Variants in PKHD1 observed in about 807,000 individuals in gnomAD.
PKHD1 encodes the protein fibrocystin.
Under a neutral mutation model 412.0 loss-of-function variants are expected in PKHD1, and 291 were observed. That is an observed-to-expected ratio of 0.71 (90% CI 0.64 to 0.78). The LOEUF is 0.78. Ranked by LOEUF, PKHD1 falls within the 30% of genes least tolerant of loss-of-function variation. The probability of loss-of-function intolerance (pLI) is 0.00; values close to 1 mark genes in which losing one functional copy is unlikely to be tolerated. For synonymous variants in PKHD1, 1,777 were observed against 1,821.5 expected (o/e 0.98, Z 0.62); for missense variants, 4,825 against 4,950.7 (o/e 0.97, Z 0.76).
chr6:51,817,527 A>G (rs1419514943), intron 52 of PKHD1, among the ~76,000 whole-genome samples: 2 of 152,098 alleles, frequency 1.3e-5, no homozygotes, highest in Non-Finnish European at 2.9e-5. Flanking sequence ...TTGATTCAGG[A>G]CTACAGCCGT....
chr6:51,800,702 G>T (rs576066188), intron 52 of PKHD1, among the ~76,000 whole-genome samples: 3 of 152,314 alleles, frequency 2.0e-5, no homozygotes, highest in African/African-American at 7.2e-5. Context: ...TAATGATGGG[G>T]TCACATGAAC....
chr6:51,619,631 T>C (rs1766362016), intron 66 of PKHD1, 111 bp from the exon 67 acceptor site: 1 of 853,800 alleles, frequency 1.2e-6, no homozygotes, highest in Non-Finnish European at 1.9e-6. Flanking sequence ...AAGATTGAAT[T>C]ACATCAGCTC....
chr6:51,802,958 C>A (rs1478935636), intron 52 of PKHD1, among the ~76,000 whole-genome samples: 1 of 140,464 alleles, frequency 7.1e-6, no homozygotes, highest in Admixed American at 7.4e-5. Flanking sequence ...ATGCTTGTAT[C>A]CTATTTGTTT....
chr6:51,925,795 T>A (rs4711989), intron 37 of PKHD1, among the ~76,000 whole-genome samples: 4 of 151,332 alleles, frequency 2.6e-5, no homozygotes, highest in East Asian at 1.9e-4. Context: ...TCTCCCTTCC[T>A]CTCTCTCTTT....
chr6:51,753,243 A>G lies in PKHD1; in HGVS notation c.8908T>C (p.Phe2970Leu). 2 of 1,613,822 alleles carry G rather than the reference A, an allele frequency of 1.2e-6. No individual in the cohort carries two copies. Among genetic ancestry groups the G allele is most frequent in the Non-Finnish European group, 1.7e-6 (2 of 1,179,774 alleles). Residue 2970 changes from phenylalanine (F) to leucine (L), a missense_variant, in exon 57 of 67, where the codon TTT (phenylalanine) becomes CTT (leucine). Coordinates refer to ENST00000371117, the MANE Select transcript of PKHD1 (RefSeq NM_138694.4). ...CTGGACTTCCTGAAGGACCCCACAA[A>G]CAGTCTCCCCCTACATGATACGTCA... ...QPDVSCRGRL[F>L]VGSFRKSSRE...
In PKHD1 at chr6:51,754,712, T is replaced by C. The variant is rs1443222397; in HGVS notation, c.8797+72A>G. The C allele has an allele frequency of 9.9e-6, 13 of 1,310,598 alleles. No individual in the cohort carries two copies. In the African/African-American group the frequency reaches 1.9e-4, roughly 19 times the overall value. The allele number at this position is 1,310,598 out of a possible 1,614,324, so 81.2% of individuals were successfully genotyped here. A position where few individuals can be genotyped will look rare whatever the true frequency, so the allele number is the denominator to read the frequency against. On this transcript the variant is annotated intron_variant, in intron 56 of 66. Transcript: ENST00000371117. The stretch of plus-strand genomic sequence containing the variant: ...CTCTGAATGGCAATCAGATCCGAGG[T>C]CCCCAGCTAGGTTACCAAACATGGT...
intron 64 of PKHD1, among the ~76,000 whole-genome samples, chr6:51,635,858 T>TG (rs1189431938): frequency 0.11 from 1,736 of 16,398 alleles, 115 homozygotes; most frequent in Non-Finnish European, 0.15. Flanking sequence ...GTGGTGAAGG[T>TG]GGGGGGGGGC....
At chr6:51,716,483 G>A (rs931959355) in intron 60 of PKHD1, among the ~76,000 whole-genome samples, 1 of 152,110 alleles carries the variant, frequency 6.6e-6, no homozygotes, top group African/African-American at 2.4e-5. Context: ...TCACTTCAGG[G>A]TCACAAAAGG....
At chr6:52,077,413 C>T (rs529621717) in intron 5 of PKHD1, among the ~76,000 whole-genome samples, 90 of 152,266 alleles carry the variant, frequency 5.9e-4, no homozygotes, top group Admixed American at 4.6e-3. Context: ...TCCCTCCCCT[C>T]CCCCAATCCC....
At chr6:51,722,123 G>T in intron 60 of PKHD1, 1 of 1,585,950 alleles carries the variant, frequency 6.3e-7, no homozygotes, top group South Asian at 1.1e-5. Flanking sequence ...GCATCCAAAT[G>T]AAAATACCCC....
Position 51,747,961 on chromosome 6 carries a change from C to G in PKHD1, c.9655G>C (p.Val3219Leu), listed in dbSNP as rs779164602. The G allele has an allele frequency of 6.2e-7, 1 of 1,614,060 alleles. No individual in the cohort carries two copies. The highest frequency in any genetic ancestry group is 8.5e-7 in the Non-Finnish European group (1 of 1,179,976). The part of the protein sequence containing the change: ...SSSFDCIQDK[V>L]KPHSANLTST... ...GTCAAGTTGGCTGAGTGCGGCTTCA[C>G]TTTGTCCTGAATGCAGTCAAAAGAA... Residue 3219 changes from valine to leucine, a missense_variant, in exon 58 of 67, where the codon GTG (valine) becomes CTG (leucine). Coordinates refer to ENST00000371117, the MANE Select transcript of PKHD1 (RefSeq NM_138694.4).
rs776862002 is a variant in PKHD1, at chr6:51,619,060, A to G, written c.*21T>C. The G allele has an allele frequency of 1.9e-6, 3 of 1,609,042 alleles. No homozygotes were observed. In the South Asian group the frequency reaches 3.3e-5, roughly 18 times the overall value. On this transcript the variant is annotated 3_prime_UTR_variant, in exon 67 of 67. Transcript: ENST00000371117. ...CTGGGAACATTCTGCCTTTCAGGCC[A>G]AATGCCCCCAACTTCCCTGATCACA...
intron 36 of PKHD1, among the ~76,000 whole-genome samples, chr6:51,944,380 G>GCTCA (rs1425044746): frequency 2.0e-5 from 3 of 152,156 alleles, no homozygotes; most frequent in Middle Eastern, 3.2e-3. Flanking sequence ...CAGCCTTGTT[G>GCTCA]CTCACACAAA....
intron 64 of PKHD1, among the ~76,000 whole-genome samples, chr6:51,636,575 AACAC>A (rs35387983): frequency 1.3e-5 from 2 of 151,378 alleles, no homozygotes; most frequent in African/African-American, 4.9e-5. Context: ...AACAACAACA[AACAC>A]ACACACACAC....
rs1345960300 is a variant in PKHD1, at chr6:52,073,507, A to G, written c.483T>C (p.Thr161=). The G allele has an allele frequency of 6.2e-7, 1 of 1,608,172 alleles. No individual in the cohort carries two copies. The highest frequency in any genetic ancestry group is 8.5e-7 in the Non-Finnish European group (1 of 1,174,742). The stretch of plus-strand genomic sequence containing the variant: ...CAAAATCAAAAGTTTCCAATCTTCC[A>G]GTGATAATCCAGCCATATACATGTA... ...KLIHVYGWII[T]GRLETFDFDA... The change falls in exon 7 of 67, where the codon ACT becomes ACC. Residue 161 remains threonine, a synonymous_variant. Transcript: ENST00000371117.
At chr6:51,804,364 G>C (rs1177405350) in intron 52 of PKHD1, among the ~76,000 whole-genome samples, 1 of 103,124 alleles carries the variant, frequency 9.7e-6, no homozygotes, top group Non-Finnish European at 2.0e-5. Context: ...TTCATTGGGG[G>C]GGGGGGGGGC....
At chr6:51,756,667 T>C (rs1271266783) in intron 55 of PKHD1, among the ~76,000 whole-genome samples, 2 of 152,050 alleles carry the variant, frequency 1.3e-5, no homozygotes, top group African/African-American at 2.4e-5. Context: ...GCACAGAAAA[T>C]AGGAAAGATG....
At position 51,934,290 on chromosome 6, in the gene PKHD1, T is replaced by C. The variant is rs1233590429; in HGVS notation, c.5941A>G (p.Ile1981Val). 2.5e-5 allele frequency: 41 copies of C among 1,612,836 alleles called. No homozygotes were observed. The highest frequency in any genetic ancestry group is 3.3e-5 in the Non-Finnish European group (39 of 1,179,888). Reference protein sequence around the residue: ...GKLIFMAPGPIELRAHAILVS... With the variant: ...GKLIFMAPGPVELRAHAILVS... ...AGGATGGCGTGTGCCCTGAGCTCGA[T>C]GGGTCCTGGGGCCATGAAAATCAGC... Residue 1981 changes from isoleucine to valine, a missense_variant, in exon 37 of 67, where the codon ATC becomes GTC. By Grantham distance (29) the Ile-to-Val change is conservative. Coordinates refer to ENST00000371117, the MANE Select transcript of PKHD1 (RefSeq NM_138694.4).
chr6:51,896,930 G>T (rs1419342001), intron 43 of PKHD1, among the ~76,000 whole-genome samples: 1 of 152,128 alleles, frequency 6.6e-6, no homozygotes, highest in Non-Finnish European at 1.5e-5. Context: ...AAGATGAAGT[G>T]AATGAAATGA....
Sources: gnomAD v4.1 joint callset for allele counts (sites outside exome capture counted in the v4.1 genomes callset) on GRCh38, gnomAD v4.1.1 for gene constraint, MANE v1.5 for transcripts, NCBI Gene and HGNC (gene_info 2026-07-23, HGNC 2026-07-21) for gene names.